SVOPL: variants seen among roughly 807,000 people sequenced by gnomAD.
SVOPL encodes putative transporter SVOPL.
In SVOPL, 60 loss-of-function variants were observed where a neutral mutation model predicts 61.0. The ratio of observed to expected loss-of-function variants is 0.98; its 90% CI spans 0.80 to 1.22. The LOEUF (loss-of-function observed/expected upper bound fraction) is 1.22, where lower values mean the gene tolerates loss of function less well. Ranked by LOEUF, SVOPL falls within the 50% of genes most tolerant of loss-of-function variation. SVOPL has a pLI of 0.00. For synonymous variants in SVOPL, 279 were observed against 250.0 expected (o/e 1.12, Z -1.09); for missense variants, 662 against 643.9 (o/e 1.03, Z -0.30).
chr7:138,633,945 G>C (rs550676631), intron 9 of SVOPL, among the ~76,000 whole-genome samples: 2 of 152,150 alleles, frequency 1.3e-5, no homozygotes, highest in African/African-American at 4.8e-5. Flanking sequence ...AACTCATCCC[G>C]TGGTGGCTAC....
intron 9 of SVOPL, among the ~76,000 whole-genome samples, 158 bp from the exon 10 acceptor site, chr7:138,630,280 G>A (rs1800116971): frequency 6.6e-6 from 1 of 152,180 alleles, no homozygotes; most frequent in African/African-American, 2.4e-5. Context: ...CAAACCCAGA[G>A]ATAATTGTTT....
chr7:138,609,616 A>G (rs936021793), intron 14 of SVOPL, among the ~76,000 whole-genome samples: 1 of 151,454 alleles, frequency 6.6e-6, no homozygotes, highest in African/African-American at 2.4e-5. Flanking sequence ...CTGTGATCGC[A>G]CCACTGCCTG....
chr7:138,654,989 G>C (rs534417233), intron 7 of SVOPL, among the ~76,000 whole-genome samples: 1 of 151,150 alleles, frequency 6.6e-6, no homozygotes, highest in Non-Finnish European at 1.5e-5. Flanking sequence ...TTAGGAGTTC[G>C]AGACCAGCCT....
intron 9 of SVOPL, among the ~76,000 whole-genome samples, chr7:138,643,475 C>T (rs1800938794): frequency 6.6e-6 from 1 of 151,682 alleles, no homozygotes; most frequent in African/African-American, 2.4e-5. Context: ...ACCTGGTCAC[C>T]CGTGTTCATA....
rs928782321 is a variant in SVOPL, at chr7:138,594,304, T to G, written c.*306A>C. The G allele has an allele frequency of 9.9e-6, 2 of 202,154 alleles. No individual in the cohort carries two copies. The highest frequency in any genetic ancestry group is 2.0e-5 in the Non-Finnish European group (2 of 101,030). 12.5% of individuals were successfully genotyped at this position (202,154 alleles called of 1,614,324 possible). ...CAAATGTAAGTTTAAAATTTAGTAT[T>G]TATTCATATAAAGGTTTACAGACTT... On this transcript the variant is annotated 3_prime_UTR_variant, in exon 16 of 16. Transcript: ENST00000674285.
chr7:138,646,626 C>T (rs1801128046), intron 8 of SVOPL, among the ~76,000 whole-genome samples: 1 of 152,130 alleles, frequency 6.6e-6, no homozygotes, highest in African/African-American at 2.4e-5. Context: ...CCGAGCAACC[C>T]TCCCATCTCA....
chr7:138,607,362 T>G (rs1798805417), intron 14 of SVOPL, among the ~76,000 whole-genome samples: 1 of 151,964 alleles, frequency 6.6e-6, no homozygotes, highest in Non-Finnish European at 1.5e-5. Context: ...TATTGAGCAA[T>G]AAGAAATCCA....
chr7:138,678,202 T>G (rs528617516), intron 3 of SVOPL, among the ~76,000 whole-genome samples: 2 of 152,102 alleles, frequency 1.3e-5, no homozygotes, highest in East Asian at 3.9e-4. Flanking sequence ...ACTCCTGTTT[T>G]GAATTTGAAT....
intron 8 of SVOPL, 103 bp from the exon 9 acceptor site, chr7:138,644,948 G>A: frequency 6.9e-7 from 1 of 1,458,816 alleles, no homozygotes. Context: ...CCCAAGATAG[G>A]AAAAGTATGT....
chr7:138,680,571 TTGTGTGTGTG>T (rs60027714), intron 1 of SVOPL, among the ~76,000 whole-genome samples: 1 of 148,010 alleles, frequency 6.8e-6, no homozygotes, highest in Admixed American at 6.8e-5. Context: ...ACACAGACTT[TTGTGTGTGTG>T]TGTGTGTGTG....
chr7:138,683,914 T>C (rs1439713579), intron 1 of SVOPL, among the ~76,000 whole-genome samples: 4 of 149,660 alleles, frequency 2.7e-5, no homozygotes, highest in Non-Finnish European at 4.4e-5. Context: ...TAGCCAGGTG[T>C]GGTGGTGTAT....
intron 5 of SVOPL, chr7:138,662,453 A>G: frequency 1.0e-6 from 1 of 985,292 alleles, no homozygotes; most frequent in Middle Eastern, 5.2e-4. Flanking sequence ...GGGGTTAGAG[A>G]CTTTATGGAC....
At chr7:138,690,961 G>C (rs1802926934) in intron 1 of SVOPL, among the ~76,000 whole-genome samples, 1 of 151,984 alleles carries the variant, frequency 6.6e-6, no homozygotes, top group Non-Finnish European at 1.5e-5. Flanking sequence ...TTTTACTAGA[G>C]ACTGAGTTTC....
intron 1 of SVOPL, among the ~76,000 whole-genome samples, chr7:138,680,721 G>A (rs1480199856): frequency 4.6e-5 from 7 of 152,094 alleles, no homozygotes; most frequent in Non-Finnish European, 7.4e-5. Context: ...TGGGACTACA[G>A]GCGCCCGCCA....
In SVOPL at chr7:138,672,107, G is replaced by A. The variant is rs1190696658; in HGVS notation, c.185C>T (p.Ala62Val). 5 of 1,551,612 alleles carry A rather than the reference G, an allele frequency of 3.2e-6. No individual in the cohort carries two copies. The highest frequency in any genetic ancestry group is 4.9e-5 in the East Asian group (2 of 40,890). ...AACAGCTATCAACATGATCTCCATGGCCTCAACCACCTTAAAGAAGAGGGA... is the reference window on the plus strand; with the variant it reads ...AACAGCTATCAACATGATCTCCATGACCTCAACCACCTTAAAGAAGAGGGA... ...LIMGSTGVVEAMEIMLIAVVS... is the reference protein window; with the variant it reads ...LIMGSTGVVEVMEIMLIAVVS... The change falls in exon 4 of 16, where the codon GCC (alanine) becomes GTC (valine). Residue 62 changes from alanine (A) to valine (V), a missense_variant. By Grantham distance (64) the Ala-to-Val change is moderately conservative (BLOSUM62 0). Transcript: ENST00000674285.
chr7:138,667,639 C>G (rs992477734), intron 4 of SVOPL, among the ~76,000 whole-genome samples: 2 of 152,214 alleles, frequency 1.3e-5, no homozygotes, highest in African/African-American at 4.8e-5. Context: ...CTACCCACCT[C>G]TTCCTACATG....
At chr7:138,603,530 A>G (rs1337802323) in intron 14 of SVOPL, among the ~76,000 whole-genome samples, 3 of 152,148 alleles carry the variant, frequency 2.0e-5, no homozygotes, top group Admixed American at 6.5e-5. Context: ...CTAATAAAAA[A>G]TTAGCTGGGC....
chr7:138,652,689 T>G (rs1801500247), intron 7 of SVOPL, among the ~76,000 whole-genome samples: 1 of 152,000 alleles, frequency 6.6e-6, no homozygotes, highest in South Asian at 2.1e-4. Context: ...CATCTCAGCT[T>G]GGCTCACTGC....
intron 6 of SVOPL, among the ~76,000 whole-genome samples, chr7:138,657,214 G>A (rs755168558): frequency 6.6e-6 from 1 of 151,624 alleles, no homozygotes; most frequent in Non-Finnish European, 1.5e-5. Flanking sequence ...GGAGTACAGT[G>A]GTTTGATCAC....
Sources: allele counts gnomAD v4.1 joint callset (sites outside exome capture counted in the v4.1 genomes callset), GRCh38; gene constraint gnomAD v4.1.1; transcripts MANE v1.5; gene names NCBI Gene and HGNC (gene_info 2026-07-23, HGNC 2026-07-21).